The following LYRM4 variants were observed in gnomAD, a reference collection of about 807,000 sequenced individuals.
LYRM4 encodes the protein LYR motif containing 4, also known as LYR motif-containing protein 4.
In LYRM4, 9 loss-of-function variants were observed where a neutral mutation model predicts 11.7. The observed-to-expected ratio is 0.77, with a 90% CI of 0.46 to 1.34. The LOEUF (loss-of-function observed/expected upper bound fraction) is 1.34. Among genes scored for constraint, LYRM4 ranks in the 40% most tolerant of loss-of-function variants. The pLI, the probability that LYRM4 is intolerant of heterozygous loss-of-function variation, is 0.00. For synonymous variants in LYRM4, 42 were observed against 40.4 expected (o/e 1.04, Z -0.15); for missense variants, 133 against 112.5 (o/e 1.18, Z -0.82).
intron 2 of LYRM4, among the ~76,000 whole-genome samples, chr6:5,116,465 T>A (rs570462421): frequency 2.0e-5 from 3 of 152,334 alleles, no homozygotes; most frequent in African/African-American, 7.2e-5. Flanking sequence ...TGCATTTATT[T>A]GGGCTGTAAA....
intron 2 of LYRM4, among the ~76,000 whole-genome samples, chr6:5,196,636 T>C (rs1165590898): frequency 6.6e-6 from 1 of 152,234 alleles, no homozygotes; most frequent in Non-Finnish European, 1.5e-5. Flanking sequence ...GGGAAACATA[T>C]TTGCATTAAT....
chr6:5,065,194 A>G, the LYRM4 span, among the ~76,000 whole-genome samples: 3 of 152,148 alleles, frequency 2.0e-5, no homozygotes, highest in East Asian at 5.8e-4. Context: ...GTGGCTTGAC[A>G]GTGTGTTTCT....
chr6:5,124,374 G>A (rs1763606453), intron 2 of LYRM4, among the ~76,000 whole-genome samples: 1 of 152,190 alleles, frequency 6.6e-6, no homozygotes, highest in Non-Finnish European at 1.5e-5. Context: ...GAACCACTGA[G>A]TCCAGCCTTA....
the LYRM4 span, among the ~76,000 whole-genome samples, chr6:5,055,834 A>C: frequency 6.6e-6 from 1 of 152,154 alleles, no homozygotes; most frequent in Non-Finnish European, 1.5e-5. The surrounding 1 kb of genome is among the most constrained non-coding windows in gnomAD (Gnocchi z 4.5). Context: ...ACTCACCAAC[A>C]TAACCTTGAA....
intron 1 of LYRM4, 112 bp from the exon 2 acceptor site, chr6:5,216,850 G>C: frequency 8.0e-7 from 1 of 1,255,642 alleles, no homozygotes; most frequent in Non-Finnish European, 1.1e-6. Context: ...CTTCCCCTAC[G>C]GATAATCCAC....
chr6:5,260,619 C>T lies in LYRM4; in HGVS notation c.86+29G>A, dbSNP rs1038408815. On this transcript the variant is annotated intron_variant, in intron 1 of 2. Coordinates refer to ENST00000330636, the MANE Select transcript of LYRM4 (RefSeq NM_020408.6). ...CCGGTCCCCGGCCCCTGGCCCCCCG[C>T]CCCCGGCCCCCGGTGCCCGCTGGGT... 5.0e-5 allele frequency: 75 copies of T among 1,501,016 alleles called. No homozygotes were observed. In the African/African-American group the frequency reaches 8.9e-4, roughly 18 times the overall value. The allele number at this position is 1,501,016 out of a possible 1,614,324, so 93.0% of individuals were successfully genotyped here. A position where few individuals can be genotyped will look rare whatever the true frequency, so the allele number is the denominator to read the frequency against.
intron 2 of LYRM4, among the ~76,000 whole-genome samples, chr6:5,112,398 T>G (rs752122849): frequency 6.6e-6 from 1 of 152,194 alleles, no homozygotes; most frequent in South Asian, 2.1e-4. Context: ...CTGAGCCCAA[T>G]GCACTGAGAG....
At chr6:5,251,627 A>G (rs754601467) in intron 1 of LYRM4, among the ~76,000 whole-genome samples, 2 of 152,178 alleles carry the variant, frequency 1.3e-5, no homozygotes, top group African/African-American at 2.4e-5. Flanking sequence ...GTGCTAAACT[A>G]TTCATGAGAA....
chr6:5,092,556 GAA>G, the LYRM4 span, among the ~76,000 whole-genome samples: 35 of 147,730 alleles, frequency 2.4e-4, no homozygotes, highest in African/African-American at 8.2e-4. Context: ...CTAAAAATAT[GAA>G]AAAAAAAAAA....
chr6:5,101,043 T>C (rs1483928868), downstream of LYRM4, among the ~76,000 whole-genome samples: 1 of 152,156 alleles, frequency 6.6e-6, no homozygotes, highest in Non-Finnish European at 1.5e-5. Flanking sequence ...GTGGCCACTC[T>C]GTGTATCTCT....
rs1317945330 is a variant in LYRM4 at position 5,159,493 on chromosome 6, C to T, written c.208-50002G>A. ...TATTTTAATTTATTCATTGTATTTA[C>T]AACAAAGAGGCCACTGGTGACCCTG... On this transcript the variant is annotated intron_variant, in intron 2 of 2. Coordinates refer to ENST00000330636, the MANE Select transcript of LYRM4 (RefSeq NM_020408.6). Among the ~76,000 whole-genome samples, 4 of 152,194 alleles carry T rather than the reference C, an allele frequency of 2.6e-5. No individual in the cohort carries two copies. The East Asian group carries it at 7.7e-4, about 29-fold the overall frequency.
intron 2 of LYRM4, among the ~76,000 whole-genome samples, chr6:5,129,152 C>G (rs1411822103): frequency 2.0e-5 from 3 of 152,248 alleles, no homozygotes; most frequent in Admixed American, 1.3e-4. Flanking sequence ...CGTCTACCTG[C>G]TCCCGCACTC....
At chr6:5,150,983 C>T (rs1275949126) in intron 2 of LYRM4, among the ~76,000 whole-genome samples, 1 of 152,102 alleles carries the variant, frequency 6.6e-6, no homozygotes, top group Non-Finnish European at 1.5e-5. Flanking sequence ...TAATCAGTGT[C>T]TACACTAGTA....
rs9606 is a variant in LYRM4, at chr6:5,109,358, T to C, written c.*65A>G. The C allele has an allele frequency of 1.9e-6, 3 of 1,606,372 alleles. No individual in the cohort carries two copies. The African/African-American group carries it at 4.0e-5, about 21-fold the overall frequency. On this transcript the variant is annotated 3_prime_UTR_variant, in exon 3 of 3. Transcript: ENST00000330636. ...TGTAAGCTGGTTTTGGGAGCCCCCA[T>C]CTCAAACAGAGAGTGGATGCTGAAG... is the stretch of plus-strand genomic sequence containing the variant.
chr6:5,212,887 G>A (rs917321857), intron 2 of LYRM4, among the ~76,000 whole-genome samples: 1 of 152,156 alleles, frequency 6.6e-6, no homozygotes, highest in African/African-American at 2.4e-5. Context: ...AGGCTGACTT[G>A]CTTATCATGA....
At chr6:5,230,226 G>A (rs975341032) in intron 1 of LYRM4, among the ~76,000 whole-genome samples, 20 of 152,176 alleles carry the variant, frequency 1.3e-4, no homozygotes, top group African/African-American at 4.6e-4. Context: ...CTCTTGACAT[G>A]CTCCTAAACT....
chr6:5,247,504 G>T (rs1048987385), intron 1 of LYRM4, among the ~76,000 whole-genome samples: 1 of 152,230 alleles, frequency 6.6e-6, no homozygotes, highest in Non-Finnish European at 1.5e-5. Flanking sequence ...GTGATATCTG[G>T]TTAAAACAAT....
At chr6:5,160,661 C>G (rs1406990778) in intron 2 of LYRM4, among the ~76,000 whole-genome samples, 4 of 151,226 alleles carry the variant, frequency 2.6e-5, no homozygotes, top group Non-Finnish European at 5.9e-5. Flanking sequence ...GACCCCCCCC[C>G]CAGCAATGTG....
intron 2 of LYRM4, among the ~76,000 whole-genome samples, chr6:5,118,270 C>A (rs1004087210): frequency 6.6e-6 from 1 of 151,868 alleles, no homozygotes; most frequent in Non-Finnish European, 1.5e-5. Context: ...GCATGCACCA[C>A]CACACCTGGC....
Sources: allele counts gnomAD v4.1 joint callset (sites outside exome capture counted in the v4.1 genomes callset), GRCh38; gene constraint gnomAD v4.1.1; non-coding constraint Gnocchi (gnomAD v3.1); transcripts MANE v1.5; gene names NCBI Gene and HGNC (gene_info 2026-07-23, HGNC 2026-07-21).